COL21A1: variants seen among roughly 807,000 people sequenced by gnomAD.
COL21A1 encodes collagen alpha-1(XXI) chain.
COL21A1 carries 149 observed loss-of-function variants against 137.9 expected under a neutral mutation model. The ratio of observed to expected loss-of-function variants is 1.08; its 90% CI spans 0.95 to 1.24. The LOEUF is 1.24. COL21A1 is among the 50% of genes most tolerant of loss of function. The probability of loss-of-function intolerance (pLI) is 0.00; values close to 1 mark genes in which losing one functional copy is unlikely to be tolerated. For synonymous variants in COL21A1, 456 were observed against 391.5 expected (o/e 1.16, Z -1.95); for missense variants, 1,167 against 1,158.4 (o/e 1.01, Z -0.11).
At chr6:56,160,639 T>C (rs995113650) in intron 9 of COL21A1, among the ~76,000 whole-genome samples, 1 of 152,240 alleles carries the variant, frequency 6.6e-6, no homozygotes, top group Non-Finnish European at 1.5e-5. Context: ...TTTTCAAAAA[T>C]ATGTACTCAG....
chr6:56,376,980 CTTTT>C (rs11396420), intron 1 of COL21A1, among the ~76,000 whole-genome samples: 6 of 137,788 alleles, frequency 4.4e-5, no homozygotes, highest in Non-Finnish European at 4.6e-5. Flanking sequence ...AGAAAAAAGT[CTTTT>C]TTTTTTTTTT....
intron 10 of COL21A1, among the ~76,000 whole-genome samples, chr6:56,142,865 A>C (rs1037085373): frequency 1.3e-5 from 2 of 152,196 alleles, no homozygotes; most frequent in African/African-American, 4.8e-5. Flanking sequence ...ATGTTAACAC[A>C]GATCTCATTA....
chr6:56,180,170 A>G (rs773668476), intron 2 of COL21A1, 41 bp from the exon 3 acceptor site: 224 of 1,466,488 alleles, frequency 1.5e-4, no homozygotes, highest in Non-Finnish European at 2.0e-4. Flanking sequence ...TCTTTTATAT[A>G]AAAAGCAAAA....
At chr6:56,366,792 A>G (rs1766111866) in intron 1 of COL21A1, among the ~76,000 whole-genome samples, 1 of 152,204 alleles carries the variant, frequency 6.6e-6, no homozygotes, top group Non-Finnish European at 1.5e-5. Flanking sequence ...AGCAAGAAAA[A>G]CAGCACAACA....
chr6:56,205,342 A>G (rs1779695028), intron 1 of COL21A1, among the ~76,000 whole-genome samples: 1 of 152,188 alleles, frequency 6.6e-6, no homozygotes, highest in African/African-American at 2.4e-5. Context: ...AAGCATAAAC[A>G]AGTATCAATA....
intron 17 of COL21A1, among the ~76,000 whole-genome samples, chr6:56,099,205 G>C (rs1582349076): frequency 2.1e-5 from 3 of 141,580 alleles, no homozygotes. Context: ...CAAACATTTA[G>C]AACACAGTCA....
At chr6:56,372,374 C>G (rs944860639) in intron 1 of COL21A1, among the ~76,000 whole-genome samples, 1 of 152,158 alleles carries the variant, frequency 6.6e-6, no homozygotes, top group African/African-American at 2.4e-5. Flanking sequence ...GAGAGACTGG[C>G]CAACCTACCA....
intron 17 of COL21A1, among the ~76,000 whole-genome samples, chr6:56,085,646 T>C (rs4596475): frequency 0.76 from 114,833 of 151,746 alleles, 44,184 homozygotes; most frequent in East Asian, 0.9. Context: ...ATCTACTTGT[T>C]TCAAAGTCTC....
intron 1 of COL21A1, among the ~76,000 whole-genome samples, chr6:56,358,900 G>C (rs1328108357): frequency 6.6e-6 from 1 of 151,958 alleles, no homozygotes; most frequent in African/African-American, 2.4e-5. Context: ...TTATCCAACA[G>C]TATAATGTGG....
intron 1 of COL21A1, among the ~76,000 whole-genome samples, chr6:56,305,378 C>T (rs1351617605): frequency 6.6e-6 from 1 of 152,060 alleles, no homozygotes; most frequent in Non-Finnish European, 1.5e-5. Flanking sequence ...AAGTCTCTTT[C>T]TAGGTCTCTA....
At chr6:56,063,250 A>T (rs1343640237) in intron 24 of COL21A1, among the ~76,000 whole-genome samples, 2 of 152,188 alleles carry the variant, frequency 1.3e-5, no homozygotes, top group African/African-American at 2.4e-5. Context: ...GTGATCCATA[A>T]GCCAGTGAGC....
rs1764900227 is a variant in COL21A1, at chr6:56,322,754, T to G, written c.-39+71217A>C. On this transcript the variant is annotated intron_variant, in intron 1 of 28. Coordinates refer to the COL21A1 transcript ENST00000370819. The stretch of plus-strand genomic sequence containing the variant: ...TCTCTGTATAACTTATATAGTTGAC[T>G]GTTGAGGACAGGTTTAATCCTTTAT... 3.3e-5 allele frequency among the ~76,000 whole-genome samples: 5 copies of G among 152,080 alleles called. No homozygotes were observed. The South Asian group carries it at 1.0e-3, about 31-fold the overall frequency.
chr6:56,139,206 G>T lies in COL21A1; in HGVS notation c.1542+2579C>A, dbSNP rs544843980. ...TTTTGCCTTAAGTAATCAGCAGAAT[G>T]GTGGCCCAATAACAAATCATGATCA... On this transcript the variant is annotated intron_variant, in intron 12 of 29. Transcript: ENST00000244728. Among the ~76,000 whole-genome samples the T allele has an allele frequency of 1.2e-3, 178 of 152,220 alleles. 7 individuals carry two copies. The South Asian group carries it at 0.036, about 31-fold the overall frequency.
chr6:56,169,626 G>C (rs1270966509), intron 5 of COL21A1, among the ~76,000 whole-genome samples: 1 of 151,854 alleles, frequency 6.6e-6, no homozygotes, highest in Non-Finnish European at 1.5e-5. Flanking sequence ...ACTCAATACT[G>C]AATCATTTAT....
chr6:56,266,194 A>G (rs1763387788), intron 1 of COL21A1, among the ~76,000 whole-genome samples: 1 of 152,226 alleles, frequency 6.6e-6, no homozygotes. Context: ...CCGAAAATCA[A>G]AGCAAAAGTA....
At chr6:56,223,531 T>G (rs1780989996) in intron 1 of COL21A1, among the ~76,000 whole-genome samples, 1 of 152,150 alleles carries the variant, frequency 6.6e-6, no homozygotes, top group Admixed American at 6.6e-5. Context: ...TTAGCACATT[T>G]GTTTAATGTG....
chr6:56,291,896 C>T (rs1764055181), intron 1 of COL21A1, among the ~76,000 whole-genome samples: 1 of 152,076 alleles, frequency 6.6e-6, no homozygotes, highest in Non-Finnish European at 1.5e-5. Context: ...ATTTTCAGGC[C>T]GGGTGTGGTG....
chr6:56,304,814 A>G (rs1464073366), intron 1 of COL21A1, among the ~76,000 whole-genome samples: 1 of 152,014 alleles, frequency 6.6e-6, no homozygotes, highest in Non-Finnish European at 1.5e-5. Context: ...AGTTCTTTTA[A>G]TTGTGATGTT....
intron 1 of COL21A1, among the ~76,000 whole-genome samples, chr6:56,363,180 G>C (rs62412411): frequency 0.21 from 31,757 of 152,198 alleles, 3,894 homozygotes; most frequent in Middle Eastern, 0.33. Context: ...CATGATTTTG[G>C]AGAGCAAAGC....
Sources: allele counts gnomAD v4.1 joint callset (sites outside exome capture counted in the v4.1 genomes callset), GRCh38; gene constraint gnomAD v4.1.1; transcripts MANE v1.5; gene names NCBI Gene and HGNC (gene_info 2026-07-23, HGNC 2026-07-21).